Variants in PRAG1 observed in about 807,000 individuals in gnomAD.
PRAG1 encodes inactive tyrosine-protein kinase PRAG1.
A neutral mutation model predicts 95.6 loss-of-function variants in PRAG1; 110 were observed. The observed-to-expected ratio is 1.15, with a 90% CI of 0.99 to 1.35. PRAG1 has a LOEUF of 1.35. PRAG1 is among the 40% of genes most tolerant of loss of function. PRAG1 has a pLI of 0.00. For synonymous variants in PRAG1, 1,052 were observed against 819.4 expected (o/e 1.28, Z -4.85); for missense variants, 2,554 against 1,864.7 (o/e 1.37, Z -6.81).
intron 3 of PRAG1, among the ~76,000 whole-genome samples, chr8:8,348,993 A>G (rs1158658176): frequency 2.0e-5 from 3 of 152,218 alleles, no homozygotes; most frequent in Non-Finnish European, 2.9e-5. Context: ...TTTAAGAAAG[A>G]ATTACACTTG....
At chr8:8,336,866 T>C (rs116822089) in intron 4 of PRAG1, among the ~76,000 whole-genome samples, 2,043 of 149,522 alleles carry the variant, frequency 0.014, 57 homozygotes, top group African/African-American at 0.046. Flanking sequence ...GTTTTCCTTA[T>C]ACAACTAAAA....
chr8:8,364,651 G>A (rs892605184), intron 3 of PRAG1, among the ~76,000 whole-genome samples: 4 of 151,384 alleles, frequency 2.6e-5, no homozygotes, highest in Admixed American at 6.6e-5. Flanking sequence ...ACACTATATG[G>A]CAGGATTTCA....
intron 4 of PRAG1, among the ~76,000 whole-genome samples, chr8:8,329,203 G>T (rs1427858121): frequency 6.6e-6 from 1 of 152,006 alleles, no homozygotes; most frequent in Non-Finnish European, 1.5e-5. Flanking sequence ...GACCAGCCTG[G>T]CCAACATGGT....
chr8:8,377,624 C>T lies in PRAG1; in HGVS notation c.785G>A (p.Gly262Glu), dbSNP rs755685174. The change falls in exon 3 of 6, where the codon GGG becomes GAG. Residue 262 changes from glycine to glutamate, a missense_variant. Physicochemically the swap from Gly to Glu is moderately conservative, Grantham distance 98 (BLOSUM62 -2). Transcript: ENST00000615670. ...GGAGGCAGCCTTGGCAACAGGGCTC[C>T]CAGGGCAGCAGTCCAGGATGGAGCA... is the stretch of plus-strand genomic sequence containing the variant. ...EYCSILDCCP[G>E]SPVAKAASQT... 1 of 1,613,402 alleles carries T rather than the reference C, an allele frequency of 6.2e-7. No individual in the cohort carries two copies. Among genetic ancestry groups the T allele is most frequent in the Non-Finnish European group, 8.5e-7 (1 of 1,179,944 alleles).
intron 4 of PRAG1, among the ~76,000 whole-genome samples, chr8:8,336,211 C>G (rs953032593): frequency 2.0e-5 from 3 of 152,164 alleles, no homozygotes; most frequent in Non-Finnish European, 4.4e-5. Context: ...GAAATGTTTG[C>G]CGAACTGCTG....
chr8:8,333,155 G>C (rs1014277986), intron 4 of PRAG1, among the ~76,000 whole-genome samples: 9 of 152,182 alleles, frequency 5.9e-5, no homozygotes, highest in East Asian at 1.9e-4. Flanking sequence ...TACAATTAAG[G>C]GTGCAAAAGG....
chr8:8,340,268 G>C (rs1585235856), intron 3 of PRAG1, among the ~76,000 whole-genome samples: 1 of 152,190 alleles, frequency 6.6e-6, no homozygotes, highest in Admixed American at 6.5e-5. Flanking sequence ...GAAATCTTTT[G>C]TTGCATCTCT....
At chr8:8,358,741 G>T (rs1799758644) in intron 3 of PRAG1, among the ~76,000 whole-genome samples, 1 of 152,218 alleles carries the variant, frequency 6.6e-6, no homozygotes, top group African/African-American at 2.4e-5. Flanking sequence ...AGAGACACAG[G>T]AATATTTATC....
At chr8:8,348,052 G>A (rs1481753964) in intron 3 of PRAG1, among the ~76,000 whole-genome samples, 1 of 152,182 alleles carries the variant, frequency 6.6e-6, no homozygotes. Context: ...ATGTGACTGG[G>A]ACTACAGGTG....
At chr8:8,363,148 T>C (rs1490616813) in intron 3 of PRAG1, among the ~76,000 whole-genome samples, 1 of 150,502 alleles carries the variant, frequency 6.6e-6, no homozygotes, top group Non-Finnish European at 1.5e-5. Flanking sequence ...TTAATGACTA[T>C]ATAAGGTTTA....
chr8:8,327,831 A>G lies in PRAG1; in HGVS notation c.2951T>C (p.Phe984Ser), dbSNP rs1483432892. The change falls in exon 5 of 6, where the codon TTC (phenylalanine) becomes TCC (serine). Residue 984 changes from phenylalanine to serine, a missense_variant. Physicochemically the swap from Phe to Ser is radical, Grantham distance 155. Transcript: ENST00000615670. ...GAAGAGCGACCAGTTATTCTCATTG[A>G]AGTGGAGCTCCTTTTTCTGGCCGCC... The part of the protein sequence containing the change: ...FMGGQKKELH[F>S]NENNWSLFKL... 1.9e-5 allele frequency: 31 copies of G among 1,614,052 alleles called. No individual in the cohort carries two copies. The highest frequency in any genetic ancestry group is 2.6e-5 in the Non-Finnish European group (31 of 1,180,026).
rs749088898 is a variant in PRAG1, at chr8:8,381,445, C to T, written c.303G>A (p.Glu101=). The T allele has an allele frequency of 5.6e-6, 9 of 1,612,198 alleles. No homozygotes were observed. The Admixed American group carries it at 1.5e-4, about 27-fold the overall frequency. ...MSSEASDVWT[E]ANLSAEVSQV... Reference sequence around the variant, plus strand: ...GCGAGACTTCGGCACTCAGGTTGGCCTCTGTCCACACATCAGAGGCCTCGG... The same window carrying T: ...GCGAGACTTCGGCACTCAGGTTGGCTTCTGTCCACACATCAGAGGCCTCGG... The change falls in exon 2 of 6, where the codon GAG becomes GAA. Residue 101 remains glutamate (E), a synonymous_variant. Coordinates refer to ENST00000615670, the MANE Select transcript of PRAG1 (RefSeq NM_001080826.3).
chr8:8,360,887 G>T (rs978550867), intron 3 of PRAG1, among the ~76,000 whole-genome samples: 1 of 152,146 alleles, frequency 6.6e-6, no homozygotes, highest in African/African-American at 2.4e-5. Context: ...TCCTACTGCG[G>T]TTCCTGAGCA....
chr8:8,374,221 G>C (rs1171133766), intron 3 of PRAG1, among the ~76,000 whole-genome samples: 2 of 152,224 alleles, frequency 1.3e-5, no homozygotes, highest in South Asian at 2.1e-4. Flanking sequence ...TCAGTTTAGA[G>C]ACCAACTCTT....
chr8:8,340,479 C>G (rs1254963506), intron 3 of PRAG1, among the ~76,000 whole-genome samples: 1 of 152,254 alleles, frequency 6.6e-6, no homozygotes, highest in African/African-American at 2.4e-5. Flanking sequence ...AGGTCCAGCT[C>G]TTCCCCTGCT....
In PRAG1 at chr8:8,327,705, C is replaced by T. The variant is rs751626004; in HGVS notation, c.3072+5G>A. The T allele has an allele frequency of 3.1e-6, 5 of 1,605,366 alleles. No individual in the cohort carries two copies. The East Asian group carries it at 1.1e-4, about 36-fold the overall frequency. ...AGCAGAATGCAAGGAGGGAGTGGTA[C>T]CTACTTTCACAGCATAGGTGCTGCC... On this transcript the variant is annotated splice_donor_5th_base_variant and intron_variant, in intron 5 of 5. Coordinates refer to ENST00000615670, the MANE Select transcript of PRAG1 (RefSeq NM_001080826.3).
chr8:8,354,329 T>C (rs1485943013), intron 3 of PRAG1, among the ~76,000 whole-genome samples: 2 of 152,080 alleles, frequency 1.3e-5, no homozygotes, highest in East Asian at 3.9e-4. Context: ...CACAGCTGAA[T>C]TCTGCCAAAC....
chr8:8,379,034 G>A (rs192778958), intron 2 of PRAG1, among the ~76,000 whole-genome samples: 96 of 151,820 alleles, frequency 6.3e-4, no homozygotes, highest in African/African-American at 2.3e-3. Flanking sequence ...AGGGTGAGGG[G>A]TGGCTTCTGA....
rs4840953 is a variant in PRAG1, at chr8:8,376,676, G to T, written c.1733C>A (p.Ser578Tyr). Reference protein sequence around the residue: ...SPLADLSDGSSGGSSIGPQPP... With the variant: ...SPLADLSDGSYGGSSIGPQPP... ...CTGGGGCCCAATGCTGCTGCCGCCA[G>T]AGCTCCCATCACTAAGGTCAGCCAG... The change falls in exon 3 of 6, where the codon TCT becomes TAT. Residue 578 changes from serine to tyrosine, a missense_variant. By Grantham distance (144) the Ser-to-Tyr change is moderately radical. Coordinates refer to ENST00000615670, the MANE Select transcript of PRAG1 (RefSeq NM_001080826.3). 1 of 1,611,346 alleles carries T rather than the reference G, an allele frequency of 6.2e-7. No individual in the cohort carries two copies. The highest frequency in any genetic ancestry group is 1.7e-5 in the Admixed American group (1 of 59,888).
Sources: allele counts gnomAD v4.1 joint callset (sites outside exome capture counted in the v4.1 genomes callset), GRCh38; gene constraint gnomAD v4.1.1; transcripts MANE v1.5; gene names NCBI Gene and HGNC (gene_info 2026-07-23, HGNC 2026-07-21).